The following AKAP12 variants were observed in gnomAD, a reference collection of about 807,000 sequenced individuals.
AKAP12 encodes the protein A-kinase anchor protein 12.
A neutral mutation model predicts 79.9 loss-of-function variants in AKAP12; 32 were observed. The ratio of observed to expected loss-of-function variants is 0.40; its 90% confidence interval spans 0.30 to 0.54. The LOEUF (loss-of-function observed/expected upper bound fraction) is 0.54, where lower values mean the gene tolerates loss of function less well. Among genes scored for constraint, AKAP12 ranks in the 20% least tolerant of loss-of-function variants. The pLI is 0.48. For missense variants in AKAP12, 2,074 were observed against 2,177.0 expected, an observed-to-expected ratio of 0.95 and a Z score of 0.94; for synonymous variants, 808 against 857.0, an observed-to-expected ratio of 0.94 and a Z score of 1.00.
intron 3 of AKAP12, among the ~76,000 whole-genome samples, chr6:151,335,945 C>G (rs1777801349): frequency 6.6e-6 from 1 of 152,064 alleles, no homozygotes; most frequent in Non-Finnish European, 1.5e-5. Context: ...TTTAGAGTAC[C>G]CAGTGTCTAT....
At position 151,352,965 on chromosome 6, in the gene AKAP12, A is replaced by G; in HGVS notation, c.4574A>G (p.Lys1525Arg). 12 of 1,563,750 alleles carry G rather than the reference A, an allele frequency of 7.7e-6. No individual in the cohort carries two copies. Among genetic ancestry groups the G allele is most frequent in the Non-Finnish European group, 1.0e-5 (12 of 1,160,280 alleles). Residue 1525 changes from lysine (K) to arginine (R), a missense_variant, in exon 4 of 5, where the codon AAA becomes AGA. By Grantham distance (26) the Lys-to-Arg change is conservative. This residue lies in a region of AKAP12 where 614 missense variants were observed against 665.6 expected (regional missense o/e 0.92). Coordinates refer to ENST00000402676, the MANE Select transcript of AKAP12 (RefSeq NM_005100.4). ...VDEQVACQEV[K>R]VSVAIEDLEP... ...GAGCAGGTTGCTTGCCAGGAGGTCA[A>G]AGTGAGTGTAGCAATTGAGGATTTA...
intron 3 of AKAP12, among the ~76,000 whole-genome samples, chr6:151,344,722 C>T (rs925855212): frequency 9.9e-5 from 15 of 151,940 alleles, no homozygotes; most frequent in Admixed American, 2.0e-4. Context: ...TTAGTAGAGA[C>T]GGGGTTTCAC....
Position 151,352,397 on chromosome 6 carries a change from G to A in AKAP12, c.4006G>A (p.Glu1336Lys), listed in dbSNP as rs1778319382. 3 of 1,614,064 alleles carry A rather than the reference G, an allele frequency of 1.9e-6. No homozygotes were observed. The highest frequency in any genetic ancestry group is 1.3e-5 in the African/African-American group (1 of 74,920). Residue 1336 changes from glutamate to lysine, a missense_variant, in exon 4 of 5, where the codon GAG (glutamate) becomes AAG (lysine). Coordinates refer to ENST00000402676, the MANE Select transcript of AKAP12 (RefSeq NM_005100.4). ...GTCTCCTCCATCCCCCGTGGAGAGA[G>A]AGATGGTAGTTCAAGTCGAAAGGGA... is the stretch of plus-strand genomic sequence containing the variant. ...AKSPPSPVER[E>K]MVVQVEREKT...
chr6:151,301,405 C>T (rs1362031779), intron 2 of AKAP12, among the ~76,000 whole-genome samples: 1 of 152,124 alleles, frequency 6.6e-6, no homozygotes, highest in African/African-American at 2.4e-5. Context: ...ACGTAGAAAA[C>T]ACAGAAAAGA....
intron 2 of AKAP12, among the ~76,000 whole-genome samples, chr6:151,277,194 T>A (rs1422059364): frequency 6.6e-6 from 1 of 152,210 alleles, no homozygotes; most frequent in East Asian, 1.9e-4. Context: ...ATGGAGAGAT[T>A]GAGCAAATGT....
intron 2 of AKAP12, among the ~76,000 whole-genome samples, chr6:151,286,104 C>T (rs1776500511): frequency 6.6e-6 from 1 of 152,140 alleles, no homozygotes; most frequent in South Asian, 2.1e-4. Flanking sequence ...TCTTGAACTC[C>T]TGGCCTCAGG....
chr6:151,332,226 T>C (rs12177694), intron 3 of AKAP12, among the ~76,000 whole-genome samples: 75,351 of 151,090 alleles, frequency 0.5, 21,735 homozygotes, highest in African/African-American at 0.8. Flanking sequence ...TTAGTAGAGA[T>C]GGGGTTTCAC....
At chr6:151,302,115 A>G (rs1776875467) in intron 2 of AKAP12, among the ~76,000 whole-genome samples, 1 of 149,694 alleles carries the variant, frequency 6.7e-6, no homozygotes, top group Non-Finnish European at 1.5e-5. Flanking sequence ...GGTTCAAGTG[A>G]TTCTCCTGCC....
intron 2 of AKAP12, among the ~76,000 whole-genome samples, chr6:151,257,485 C>T (rs967091258): frequency 1.3e-5 from 2 of 151,998 alleles, no homozygotes; most frequent in Admixed American, 6.6e-5. Context: ...TTAGTAGAGA[C>T]AGGGTTTCAC....
At chr6:151,325,601 C>T in intron 3 of AKAP12, 1 of 1,353,952 alleles carries the variant, frequency 7.4e-7, no homozygotes, top group Non-Finnish European at 9.5e-7. Context: ...CAGCGCCAGC[C>T]CGCGTGTGGG....
At chr6:151,285,788 A>C (rs979306538) in intron 2 of AKAP12, among the ~76,000 whole-genome samples, 3 of 118,376 alleles carry the variant, frequency 2.5e-5, no homozygotes, top group Non-Finnish European at 5.3e-5. Flanking sequence ...AAAGCACATC[A>C]TTTCCTGTAA....
intron 2 of AKAP12, among the ~76,000 whole-genome samples, chr6:151,281,212 C>T (rs1278302646): frequency 1.3e-5 from 2 of 152,148 alleles, no homozygotes; most frequent in African/African-American, 4.8e-5. Flanking sequence ...GCGAGCCTCC[C>T]TCTACAAACT....
intron 2 of AKAP12, among the ~76,000 whole-genome samples, chr6:151,261,287 G>A (rs1296720351): frequency 4.6e-5 from 7 of 151,520 alleles, no homozygotes; most frequent in South Asian, 2.1e-4. Flanking sequence ...CAGGAGAATC[G>A]TTTGAACCGG....
chr6:151,244,396 C>T lies in AKAP12; in HGVS notation c.162+3672C>T, dbSNP rs550663569. ...AAAATTAGCCAGGCGTGGTGGCGGGCGCCTGTAGTCCCAGCCACTCGGGAG... is the reference window on the plus strand; with the variant it reads ...AAAATTAGCCAGGCGTGGTGGCGGGTGCCTGTAGTCCCAGCCACTCGGGAG... On this transcript the variant is annotated intron_variant, in intron 2 of 4. Coordinates refer to ENST00000402676, the MANE Select transcript of AKAP12 (RefSeq NM_005100.4). Among the ~76,000 whole-genome samples, 6 of 152,190 alleles carry T rather than the reference C, an allele frequency of 3.9e-5. No homozygotes were observed. In the South Asian group the frequency reaches 8.3e-4, roughly 21 times the overall value.
At position 151,304,488 on chromosome 6, in the gene AKAP12, C is replaced by CAAAAAAAAAAAAAAAAAA. The variant is rs1157088954; in HGVS notation, c.163-1245_163-1228dup. Among the ~76,000 whole-genome samples, 78 of 45,988 alleles carry CAAAAAAAAAAAAAAAAAA rather than the reference C, an allele frequency of 1.7e-3. 5 individuals are homozygous for CAAAAAAAAAAAAAAAAAA. Among genetic ancestry groups the CAAAAAAAAAAAAAAAAAA allele is most frequent in the Non-Finnish European group, 2.5e-3 (50 of 20,408 alleles). 30.2% of individuals were successfully genotyped at this position (45,988 alleles called of 152,430 possible). On this transcript the variant is annotated intron_variant, in intron 2 of 4. Transcript: ENST00000402676. ...TGGGTGAAACAGTGACACTCCATCT[C>CAAAAAAAAAAAAAAAAAA]AAAAAAAAAAAAAAAAAAAAAAAAA...
chr6:151,348,517 T>TA, intron 3 of AKAP12, 194 bp from the exon 4 acceptor site: 1 of 619,600 alleles, frequency 1.6e-6, no homozygotes, highest in South Asian at 1.8e-5. Context: ...CATGTGCCTG[T>TA]AGTCCCAGCT....
intron 2 of AKAP12, among the ~76,000 whole-genome samples, chr6:151,248,854 G>T (rs1043441757): frequency 2.0e-5 from 3 of 152,042 alleles, no homozygotes; most frequent in Admixed American, 2.0e-4. Context: ...CAGTATGGTG[G>T]TGTGTACCTG....
chr6:151,355,603 ATC>A (rs1445414974), intron 4 of AKAP12, 122 bp from the exon 5 acceptor site: 3 of 152,000 alleles, frequency 2.0e-5, no homozygotes, highest in African/African-American at 7.3e-5. Flanking sequence ...GCCCGGCCCC[ATC>A]TTTGTTTTTT....
chr6:151,322,833 A>G (rs551896168), intron 3 of AKAP12, among the ~76,000 whole-genome samples: 37 of 151,670 alleles, frequency 2.4e-4, no homozygotes, highest in African/African-American at 8.3e-4. Context: ...TGTTTTGCGT[A>G]ATAAATATGG....
Sources: gnomAD v4.1 joint callset for allele counts (sites outside exome capture counted in the v4.1 genomes callset) on GRCh38, gnomAD v4.1.1 for gene constraint, gnomAD v4.1.1 regional missense constraint, MANE v1.5 for transcripts, NCBI Gene and HGNC (gene_info 2026-07-23, HGNC 2026-07-21) for gene names.